The following HSPA4L variants were observed in gnomAD, a reference collection of about 807,000 sequenced individuals.
HSPA4L encodes the protein heat shock 70 kDa protein 4L.
Under a neutral mutation model 100.3 loss-of-function variants are expected in HSPA4L, and 48 were observed. That is an observed-to-expected ratio of 0.48 (90% CI 0.38 to 0.61). The LOEUF is 0.61. Among genes scored for constraint, HSPA4L ranks in the 20% least tolerant of loss-of-function variants. The pLI, the probability that HSPA4L is intolerant of heterozygous loss-of-function variation, is 0.00. For missense variants in HSPA4L, 886 were observed against 988.6 expected (o/e 0.90, Z 1.39); for synonymous variants, 319 against 328.2 (o/e 0.97, Z 0.30).
Position 127,803,660 on chromosome 4 carries a change from G to A in HSPA4L, c.695G>A (p.Gly232Asp), listed in dbSNP as rs1412160504. 1 of 1,613,372 alleles carries A rather than the reference G, an allele frequency of 6.2e-7. No individual in the cohort carries two copies. The highest frequency in any genetic ancestry group is 1.1e-5 in the South Asian group (1 of 91,028). ...GCTACTACCTTTGATCCATATTTGG[G>A]TGGCAGGAACTTTGATGAGGCTTTA... ...VLATTFDPYL[G>D]GRNFDEALVD... Residue 232 changes from glycine to aspartate, a missense_variant, in exon 7 of 19, where the codon GGT (glycine) becomes GAT (aspartate). Gly to Asp is a moderately conservative substitution (Grantham distance 94). Transcript: ENST00000296464.
chr4:127,796,097 C>G (rs1733014694), intron 3 of HSPA4L, among the ~76,000 whole-genome samples, 189 bp downstream of exon 3: 1 of 151,980 alleles, frequency 6.6e-6, no homozygotes, highest in Admixed American at 6.6e-5. Flanking sequence ...TCATTCAAAT[C>G]ACACTATTAT....
chr4:127,823,824 T>C (rs1733876596), intron 16 of HSPA4L, among the ~76,000 whole-genome samples, 200 bp downstream of exon 16: 1 of 152,182 alleles, frequency 6.6e-6, no homozygotes, highest in Non-Finnish European at 1.5e-5. Context: ...ATGCATTACC[T>C]CACATACATT....
chr4:127,811,161 A>G (rs549164950), intron 11 of HSPA4L, among the ~76,000 whole-genome samples: 4 of 144,672 alleles, frequency 2.8e-5, no homozygotes, highest in Admixed American at 2.2e-4. Context: ...CAAATTGTCC[A>G]TGGTTAAATT....
intron 1 of HSPA4L, among the ~76,000 whole-genome samples, chr4:127,785,573 A>G (rs976802223): frequency 6.6e-6 from 1 of 151,772 alleles, no homozygotes; most frequent in Admixed American, 6.6e-5. Context: ...GAGTAGCTGG[A>G]ATTACAGGCA....
chr4:127,794,215 T>A, intron 2 of HSPA4L, 81 bp downstream of exon 2: 1 of 1,007,682 alleles, frequency 9.9e-7, no homozygotes, highest in Non-Finnish European at 1.5e-6. Flanking sequence ...GTTATATTGT[T>A]AAGAGTGAAT....
chr4:127,830,847 T>A, intron 18 of HSPA4L, 48 bp downstream of exon 18: 2 of 1,222,798 alleles, frequency 1.6e-6, no homozygotes, highest in Non-Finnish European at 2.2e-6. Flanking sequence ...AGTATTAAAA[T>A]TTTTAATGAG....
rs113694613 is a variant in HSPA4L at position 127,795,902 on chromosome 4, A to G, written c.300A>G (p.Gly100=). ...ELQKMPNGSA[G]VKVRYLEEER... ...AGAAAATGCCTAATGGAAGTGCAGG[A>G]GTTAAGGTAAGCTTTATATTCCCAG... Residue 100 remains glycine (G), a synonymous_variant, in exon 3 of 19, where the codon GGA becomes GGG. Transcript: ENST00000296464. The G allele has an allele frequency of 6.3e-5, 102 of 1,613,234 alleles. No homozygotes were observed. The highest frequency in any genetic ancestry group is 3.3e-5 in the Admixed American group (2 of 59,922).
In HSPA4L at chr4:127,814,381, G is replaced by A. The variant is rs775670641; in HGVS notation, c.1578+2745G>A. Among the ~76,000 whole-genome samples, 4 of 152,120 alleles carry A rather than the reference G, an allele frequency of 2.6e-5. No homozygotes were observed. In the South Asian group the frequency reaches 8.3e-4, roughly 32 times the overall value. The stretch of plus-strand genomic sequence containing the variant: ...ATGGATCATATACTTGGCATTGTTG[G>A]TGAGCACATTCATATATGTATTATC... On this transcript the variant is annotated intron_variant, in intron 12 of 18. Coordinates refer to ENST00000296464, the MANE Select transcript of HSPA4L (RefSeq NM_014278.4).
At chr4:127,812,070 G>C (rs1357255020) in intron 12 of HSPA4L, among the ~76,000 whole-genome samples, 1 of 152,088 alleles carries the variant, frequency 6.6e-6, no homozygotes, top group Non-Finnish European at 1.5e-5. Flanking sequence ...GGGGACATCT[G>C]AGACAGTTAA....
At chr4:127,812,702 T>TA (rs1432648001) in intron 12 of HSPA4L, 2 of 870,224 alleles carry the variant, frequency 2.3e-6, no homozygotes, top group African/African-American at 3.5e-5. Flanking sequence ...CCTTTATTTT[T>TA]TTTTTTTTTT....
intron 1 of HSPA4L, among the ~76,000 whole-genome samples, chr4:127,785,224 G>GA (rs1405604624): frequency 2.0e-5 from 3 of 152,132 alleles, no homozygotes; most frequent in African/African-American, 7.2e-5. Context: ...AAGTTGAAGA[G>GA]GGAGAGAGAA....
chr4:127,804,014 T>C lies in HSPA4L; in HGVS notation c.912T>C (p.Ala304=), dbSNP rs1227509912. 6.2e-7 allele frequency: 1 copy of C among 1,613,890 alleles called. No individual in the cohort carries two copies. The highest frequency in any genetic ancestry group is 1.3e-5 in the African/African-American group (1 of 74,928). ...DLDVSSKMNR[A]QFEQLCASLL... ...ATTTTATTCTATTTTCTCACAGGGCTCAATTTGAACAACTGTGTGCTTCCC... is the reference window on the plus strand; with the variant it reads ...ATTTTATTCTATTTTCTCACAGGGCCCAATTTGAACAACTGTGTGCTTCCC... Residue 304 remains alanine (A), a synonymous_variant, in exon 8 of 19, where the codon GCT becomes GCC. Coordinates refer to ENST00000296464, the MANE Select transcript of HSPA4L (RefSeq NM_014278.4).
rs529841027 is a variant in HSPA4L, at chr4:127,820,657, G to C, written c.1812+92G>C. 137 of 1,164,694 alleles carry C rather than the reference G, an allele frequency of 1.2e-4. 1 individual carries two copies. The East Asian group carries it at 3.1e-3, about 26-fold the overall frequency. 72.1% of individuals were successfully genotyped at this position (1,164,694 alleles called of 1,614,324 possible). A position where few individuals can be genotyped will look rare whatever the true frequency, so the allele number is the denominator to read the frequency against. On this transcript the variant is annotated intron_variant, in intron 14 of 18. Coordinates refer to ENST00000296464, the MANE Select transcript of HSPA4L (RefSeq NM_014278.4). ...ATTATCTCCAAAATTTAGGGCACTA[G>C]TTTATAACTCCTAAGGAATTATATT...
intron 5 of HSPA4L, among the ~76,000 whole-genome samples, chr4:127,801,525 G>T (rs145455471): frequency 6.7e-6 from 1 of 150,368 alleles, no homozygotes; most frequent in Non-Finnish European, 1.5e-5. Flanking sequence ...TTATAAGCTT[G>T]TTACTTTGTA....
Position 127,808,067 on chromosome 4 carries a change from C to T in HSPA4L, c.1316C>T (p.Pro439Leu). The change falls in exon 11 of 19, where the codon CCA (proline) becomes CTA (leucine). Residue 439 changes from proline to leucine, a missense_variant. Transcript: ENST00000296464. ...GTCATTACTTTCCACAAGAAGGAAC[C>T]ATTTGAACTAGAAGCATTTTATACT... ...SKVITFHKKE[P>L]FELEAFYTNL... 1 of 1,612,142 alleles carries T rather than the reference C, an allele frequency of 6.2e-7. No individual in the cohort carries two copies. Among genetic ancestry groups the T allele is most frequent in the South Asian group, 1.1e-5 (1 of 90,924 alleles).
intron 1 of HSPA4L, among the ~76,000 whole-genome samples, chr4:127,789,864 G>A (rs764032322): frequency 5.3e-5 from 8 of 152,150 alleles, no homozygotes; most frequent in Admixed American, 2.0e-4. Flanking sequence ...GAGCAAATAT[G>A]TGTTTAATTT....
At chr4:127,802,996 G>C (rs1353217413) in intron 6 of HSPA4L, among the ~76,000 whole-genome samples, 1 of 152,038 alleles carries the variant, frequency 6.6e-6, no homozygotes, top group East Asian at 1.9e-4. Context: ...TAGATGTTTG[G>C]TCCTATGTTT....
Position 127,782,658 on chromosome 4 carries a change from G to A in HSPA4L, c.107+1G>A, listed in dbSNP as rs768665031. 6.2e-7 allele frequency: 1 copy of A among 1,600,828 alleles called. No homozygotes were observed. Among genetic ancestry groups the A allele is most frequent in the Admixed American group, 1.7e-5 (1 of 59,322 alleles). On this transcript the variant is annotated splice_donor_variant, in intron 1 of 18. Transcript: ENST00000296464. LOFTEE classifies it high-confidence loss of function. ...ATGAGTACAGCGACAGGTGTACCCC[G>A]TAAGTGCCTCTGCTGAGCATCACCT... is the stretch of plus-strand genomic sequence containing the variant.
chr4:127,831,240 C>G (rs1056164170), intron 18 of HSPA4L, among the ~76,000 whole-genome samples: 14 of 152,090 alleles, frequency 9.2e-5, no homozygotes, highest in African/African-American at 3.1e-4. Flanking sequence ...TGGCTCACGT[C>G]TGTAATCCCA....
Sources: gnomAD v4.1 joint callset for allele counts (sites outside exome capture counted in the v4.1 genomes callset) on GRCh38, gnomAD v4.1.1 for gene constraint, MANE v1.5 for transcripts, NCBI Gene and HGNC (gene_info 2026-07-23, HGNC 2026-07-21) for gene names.